PHF24: variants seen among roughly 807,000 people sequenced by gnomAD.
The protein encoded by PHF24 is Galpha inhibitory interacting protein.
A neutral mutation model predicts 42.6 loss-of-function variants in PHF24; 25 were observed. The ratio of observed to expected loss-of-function variants is 0.59; its 90% CI spans 0.43 to 0.82. PHF24 has a LOEUF of 0.82. PHF24 is among the 40% of genes least tolerant of loss of function. PHF24 has a pLI of 0.00. For synonymous variants in PHF24, 185 were observed against 204.8 expected, an observed-to-expected ratio of 0.90 and a Z score of 0.83; for missense variants, 470 against 538.1, an observed-to-expected ratio of 0.87 and a Z score of 1.25.
the PHF24 span, among the ~76,000 whole-genome samples, chr9:34,766,731 C>T: frequency 1.9e-4 from 29 of 152,274 alleles, no homozygotes; most frequent in African/African-American, 6.5e-4. Flanking sequence ...AGCTTTGTTC[C>T]GTTGCTGGTG....
At chr9:34,841,063 G>A in the PHF24 span, among the ~76,000 whole-genome samples, 2,717 of 151,948 alleles carry the variant, frequency 0.018, 34 homozygotes, top group Non-Finnish European at 0.025. Context: ...GCAGTGGCGC[G>A]ATCTCGGCTC....
the PHF24 span, among the ~76,000 whole-genome samples, chr9:34,810,083 C>G: frequency 6.6e-6 from 1 of 151,930 alleles, no homozygotes; most frequent in African/African-American, 2.4e-5. Context: ...CGCCCTCAGC[C>G]CAGCAAGCCG....
At chr9:34,686,904 G>A in the PHF24 span, among the ~76,000 whole-genome samples, 242 of 152,310 alleles carry the variant, frequency 1.6e-3, 1 homozygote, top group African/African-American at 5.1e-3. Context: ...CCGTGAAAGA[G>A]GAAGCAGATG....
the PHF24 span, among the ~76,000 whole-genome samples, chr9:34,804,370 CT>C: frequency 1.3e-5 from 2 of 152,124 alleles, no homozygotes; most frequent in African/African-American, 2.4e-5. Context: ...TATACCACCC[CT>C]GCTATGTCAT....
the PHF24 span, among the ~76,000 whole-genome samples, chr9:34,751,542 G>A: frequency 6.6e-6 from 1 of 152,146 alleles, no homozygotes; most frequent in African/African-American, 2.4e-5. Context: ...GGGGCACCCA[G>A]ATATATAAAC....
At chr9:34,786,571 T>C in the PHF24 span, among the ~76,000 whole-genome samples, 1 of 152,220 alleles carries the variant, frequency 6.6e-6, no homozygotes, top group Non-Finnish European at 1.5e-5. Flanking sequence ...AATTTCACAC[T>C]CCTACATTTC....
At chr9:34,669,312 C>G in the PHF24 span, among the ~76,000 whole-genome samples, 1 of 151,968 alleles carries the variant, frequency 6.6e-6, no homozygotes, top group Non-Finnish European at 1.5e-5. Context: ...CTTTACAGAC[C>G]CCTGAGACCT....
chr9:34,915,108 C>G, the PHF24 span, among the ~76,000 whole-genome samples: 1 of 139,788 alleles, frequency 7.2e-6, no homozygotes, highest in Non-Finnish European at 1.5e-5. Flanking sequence ...TCACAGCTCA[C>G]TGCAGCCTCG....
the PHF24 span, among the ~76,000 whole-genome samples, chr9:34,810,149 G>A: frequency 1.3e-5 from 2 of 152,024 alleles, no homozygotes; most frequent in Admixed American, 6.5e-5. Flanking sequence ...CGCCGGCCCC[G>A]GACGGCCCCG....
At chr9:34,763,656 G>A in the PHF24 span, among the ~76,000 whole-genome samples, 1 of 152,098 alleles carries the variant, frequency 6.6e-6, no homozygotes, top group Non-Finnish European at 1.5e-5. Flanking sequence ...GGGACAATTG[G>A]ACTTCCTCTT....
chr9:34,968,856 T>A lies in PHF24; in HGVS notation c.-4-2439T>A, dbSNP rs553029462. 1.2e-3 allele frequency among the ~76,000 whole-genome samples: 183 copies of A among 152,340 alleles called. 1 individual carries two copies. The highest frequency in any genetic ancestry group is 3.7e-4 in the Non-Finnish European group (25 of 68,036). On this transcript the variant is annotated intron_variant, in intron 1 of 7. Transcript: ENST00000242315. ...GATAAAACAGTCTAATAGGGGAAAC[T>A]GACATTGATCAGTAATCATCCTATT...
At chr9:34,723,939 G>A in the PHF24 span, 4 of 1,551,300 alleles carry the variant, frequency 2.6e-6, no homozygotes, top group Non-Finnish European at 3.5e-6. Context: ...TGAAAGCTAC[G>A]GCTCCATCGC....
At chr9:34,982,095 T>A (rs1827412620) in exon 8 of PHF24, 1 of 152,188 alleles carries the variant, frequency 6.6e-6, no homozygotes, top group South Asian at 2.1e-4. Context: ...GGGGGTCAGC[T>A]CTGGTCTGGG....
At chr9:34,737,755 A>G in the PHF24 span, among the ~76,000 whole-genome samples, 2 of 152,142 alleles carry the variant, frequency 1.3e-5, no homozygotes, top group African/African-American at 4.8e-5. Context: ...CTAAAAGCCA[A>G]CTGAGGCATA....
chr9:34,935,739 G>GT, the PHF24 span, among the ~76,000 whole-genome samples: 1 of 148,936 alleles, frequency 6.7e-6, no homozygotes, highest in African/African-American at 2.4e-5. Flanking sequence ...TGTGTGTGGG[G>GT]GGGGGGTGTG....
At chr9:34,942,870 G>A in the PHF24 span, among the ~76,000 whole-genome samples, 1 of 152,064 alleles carries the variant, frequency 6.6e-6, no homozygotes, top group Non-Finnish European at 1.5e-5. Flanking sequence ...GCAGGGGGGA[G>A]GCATAGCATT....
At chr9:34,928,140 C>T in the PHF24 span, among the ~76,000 whole-genome samples, 2 of 147,388 alleles carry the variant, frequency 1.4e-5, no homozygotes, top group African/African-American at 5.1e-5. Context: ...CGCTTGAACC[C>T]AGGAGGTGAA....
chr9:34,820,156 G>A, the PHF24 span, among the ~76,000 whole-genome samples: 2 of 149,294 alleles, frequency 1.3e-5, no homozygotes, highest in Non-Finnish European at 3.0e-5. Context: ...ATATATAAAT[G>A]TATATATTAT....
the PHF24 span, among the ~76,000 whole-genome samples, chr9:34,770,150 G>T: frequency 1.3e-5 from 2 of 152,068 alleles, no homozygotes; most frequent in African/African-American, 4.8e-5. Context: ...TGAAAAAGTT[G>T]CAAACCTTAT....
Sources: allele counts gnomAD v4.1 joint callset (sites outside exome capture counted in the v4.1 genomes callset), GRCh38; gene constraint gnomAD v4.1.1; transcripts MANE v1.5; gene names NCBI Gene and HGNC (gene_info 2026-07-23, HGNC 2026-07-21).